The following ITGB8 variants were observed in gnomAD, a reference collection of about 807,000 sequenced individuals.
ITGB8 encodes integrin subunit beta 8, also known as integrin beta-8.
In ITGB8, 30 loss-of-function variants were observed where a neutral mutation model predicts 89.5. That is an observed-to-expected ratio of 0.34 (90% confidence interval 0.25 to 0.45). The LOEUF is 0.45. Among genes scored for constraint, ITGB8 ranks in the 20% least tolerant of loss-of-function variants. The probability of loss-of-function intolerance (pLI) is 1.00; values close to 1 mark genes in which losing one functional copy is unlikely to be tolerated. For synonymous variants in ITGB8, 335 were observed against 320.4 expected (o/e 1.05, Z -0.49); for missense variants, 836 against 933.3 (o/e 0.90, Z 1.36).
chr7:20,339,985 G>C (rs1407291159), intron 1 of ITGB8, among the ~76,000 whole-genome samples: 2 of 152,204 alleles, frequency 1.3e-5, no homozygotes, highest in African/African-American at 4.8e-5. Flanking sequence ...CCGAGATTGT[G>C]CCACTGCACT....
intron 2 of ITGB8, 140 bp downstream of exon 2, chr7:20,363,862 T>A (rs1391740642): frequency 4.4e-6 from 2 of 456,826 alleles, no homozygotes; most frequent in Non-Finnish European, 7.8e-6. Context: ...TATTTGGTTT[T>A]ATGCTTGGAA....
intron 6 of ITGB8, among the ~76,000 whole-genome samples, chr7:20,384,945 C>T (rs1027163977): frequency 1.3e-5 from 2 of 152,086 alleles, no homozygotes; most frequent in African/African-American, 4.8e-5. Flanking sequence ...AAAACTGTAG[C>T]AATAGTATAG....
intron 1 of ITGB8, chr7:20,346,925 G>T: frequency 1.2e-6 from 1 of 868,012 alleles, no homozygotes; most frequent in Non-Finnish European, 1.4e-6. Context: ...CAAAATTCAT[G>T]TGTTGAAATC....
intron 1 of ITGB8, among the ~76,000 whole-genome samples, chr7:20,350,771 A>G (rs775629598): frequency 6.6e-6 from 1 of 152,356 alleles, no homozygotes; most frequent in Middle Eastern, 3.4e-3. Flanking sequence ...AGACAGAGCT[A>G]GAAATTCACA....
At chr7:20,362,219 T>C (rs1785530644) in intron 1 of ITGB8, among the ~76,000 whole-genome samples, 1 of 152,068 alleles carries the variant, frequency 6.6e-6, no homozygotes, top group South Asian at 2.1e-4. Flanking sequence ...TTCCAGAATG[T>C]TGGGGAAAGT....
At chr7:20,366,094 A>C (rs576841286) in intron 2 of ITGB8, 1 of 152,176 alleles carries the variant, frequency 6.6e-6, no homozygotes. Flanking sequence ...ACACTACATA[A>C]GTAATTGGAA....
chr7:20,355,314 G>A (rs1399512808), intron 1 of ITGB8, among the ~76,000 whole-genome samples: 1 of 152,172 alleles, frequency 6.6e-6, no homozygotes, highest in African/African-American at 2.4e-5. Flanking sequence ...TTGCACCAAC[G>A]TATATGCTTG....
chr7:20,358,944 T>C (rs1205435467), intron 1 of ITGB8, among the ~76,000 whole-genome samples: 2 of 152,222 alleles, frequency 1.3e-5, no homozygotes, highest in African/African-American at 4.8e-5. Flanking sequence ...CTCTCACTTA[T>C]AAGTGGTAAC....
intron 1 of ITGB8, among the ~76,000 whole-genome samples, chr7:20,362,360 G>A (rs913579820): frequency 2.6e-5 from 4 of 152,198 alleles, no homozygotes; most frequent in Non-Finnish European, 5.9e-5. Flanking sequence ...GTGCATGAGT[G>A]TGCACATGCA....
rs991382071 is a variant in ITGB8, at chr7:20,412,000, A to G, written c.*2003A>G. 11 of 152,644 alleles carry G rather than the reference A, an allele frequency of 7.2e-5. No homozygotes were observed. The highest frequency in any genetic ancestry group is 2.4e-4 in the African/African-American group (10 of 41,452). The allele number at this position is 152,644 out of a possible 1,614,324, so 9.5% of individuals were successfully genotyped here. ...ATATACAGTTTTGCCCATGACAACAAAGGAATCTATCCGAAATATCTTTTT... is the reference window on the plus strand; with the variant it reads ...ATATACAGTTTTGCCCATGACAACAGAGGAATCTATCCGAAATATCTTTTT... On this transcript the variant is annotated 3_prime_UTR_variant, in exon 14 of 14. Coordinates refer to ENST00000222573, the MANE Select transcript of ITGB8 (RefSeq NM_002214.3).
rs185573372 is a variant in ITGB8, at chr7:20,381,541, G to A, written c.802-186G>A. The A allele has an allele frequency of 1.8e-5, 9 of 508,046 alleles. No homozygotes were observed. In the East Asian group the frequency reaches 2.9e-4, roughly 16 times the overall value. 31.5% of individuals were successfully genotyped at this position (508,046 alleles called of 1,614,324 possible). On this transcript the variant is annotated intron_variant, in intron 5 of 13. Coordinates refer to ENST00000222573, the MANE Select transcript of ITGB8 (RefSeq NM_002214.3). ...TAGCCAGGAACTAGTGTGGTCACAT[G>A]GCTGTGGGAAAATAGAGGATGTACA... is the stretch of plus-strand genomic sequence containing the variant.
chr7:20,347,089 G>A (rs139460957), intron 1 of ITGB8, among the ~76,000 whole-genome samples: 4 of 152,298 alleles, frequency 2.6e-5, no homozygotes, highest in Middle Eastern at 3.4e-3. Flanking sequence ...GCAAGAAGGT[G>A]CCACCTATGA....
intron 3 of ITGB8, among the ~76,000 whole-genome samples, chr7:20,374,315 C>G (rs12700185): frequency 0.23 from 35,147 of 151,928 alleles, 5,084 homozygotes; most frequent in Non-Finnish European, 0.32. Context: ...TTATGGGGGA[C>G]TATGTATGTG....
chr7:20,349,305 A>G (rs1785035271), intron 1 of ITGB8, among the ~76,000 whole-genome samples: 1 of 151,906 alleles, frequency 6.6e-6, no homozygotes, highest in African/African-American at 2.4e-5. Context: ...TTCAAGCTAT[A>G]TTAGTATTAC....
intron 3 of ITGB8, among the ~76,000 whole-genome samples, chr7:20,376,229 G>A (rs957688474): frequency 6.6e-6 from 1 of 152,168 alleles, no homozygotes; most frequent in East Asian, 1.9e-4. Flanking sequence ...GCCAACTAGA[G>A]TTCCTTTGGT....
chr7:20,366,459 TAAC>T (rs1318042332), intron 2 of ITGB8: 1 of 152,026 alleles, frequency 6.6e-6, no homozygotes. Context: ...TTGATGAAAA[TAAC>T]AACCAATAAA....
intron 10 of ITGB8, among the ~76,000 whole-genome samples, chr7:20,404,120 C>G (rs1787434715): frequency 2.0e-5 from 3 of 152,242 alleles, no homozygotes; most frequent in African/African-American, 7.2e-5. Context: ...CTCAAGAGAC[C>G]TGATCTTTAA....
chr7:20,360,701 GGT>G (rs1562666472), intron 1 of ITGB8, among the ~76,000 whole-genome samples: 3 of 151,384 alleles, frequency 2.0e-5, no homozygotes, highest in African/African-American at 4.8e-5. Flanking sequence ...GGTATTCCAT[GGT>G]GTGTGTATAT....
chr7:20,382,630 G>A (rs567208333), intron 6 of ITGB8, among the ~76,000 whole-genome samples: 1 of 152,258 alleles, frequency 6.6e-6, no homozygotes, highest in Admixed American at 6.5e-5. Context: ...TAGTCTCTCA[G>A]TGATTTTATT....
Sources: allele counts gnomAD v4.1 joint callset (sites outside exome capture counted in the v4.1 genomes callset), GRCh38; gene constraint gnomAD v4.1.1; transcripts MANE v1.5; gene names NCBI Gene and HGNC (gene_info 2026-07-23, HGNC 2026-07-21).